Variants in TTC16 observed in about 807,000 individuals in gnomAD.
TTC16 encodes the protein tetratricopeptide repeat domain 16.
Under a neutral mutation model 80.4 loss-of-function variants are expected in TTC16, and 66 were observed. The observed-to-expected ratio is 0.82, with a 90% CI of 0.67 to 1.01. The LOEUF (loss-of-function observed/expected upper bound fraction) is 1.01. TTC16 is among the 50% of genes least tolerant of loss of function. TTC16 has a pLI of 0.00. For synonymous variants in TTC16, 438 were observed against 451.3 expected (o/e 0.97, Z 0.37); for missense variants, 1,070 against 1,103.2 (o/e 0.97, Z 0.43).
Position 127,731,309 on chromosome 9 carries a change from C to T in TTC16, c.2526C>T (p.Ser842=). ...CCCAGGGCAAGAGCCAGGGCATGAG[C>T]TCAACTTCCAGCAAGGCCGAGTCCA... is the stretch of plus-strand genomic sequence containing the variant. ...EGAQGKSQGM[S]STSSKAESTW... The change falls in exon 14 of 14, where the codon AGC becomes AGT. Residue 842 remains serine (S), a synonymous_variant. Transcript: ENST00000373289. The T allele has an allele frequency of 1.9e-6, 3 of 1,613,192 alleles. No homozygotes were observed. Among genetic ancestry groups the T allele is most frequent in the Admixed American group, 1.7e-5 (1 of 60,032 alleles).
rs1843630519 is a variant in TTC16, at chr9:127,723,107, G to A, written c.658-12G>A. On this transcript the variant is annotated splice_polypyrimidine_tract_variant and intron_variant, in intron 6 of 13. Transcript: ENST00000373289. Reference sequence around the variant, plus strand: ...GGTCTGTGCCCCTGATGCCACCCATGGCCTCCTGCAGCCCCACCTCTGCTA... The same window carrying A: ...GGTCTGTGCCCCTGATGCCACCCATAGCCTCCTGCAGCCCCACCTCTGCTA... 6.2e-7 allele frequency: 1 copy of A among 1,608,040 alleles called. No individual in the cohort carries two copies. The highest frequency in any genetic ancestry group is 8.5e-7 in the Non-Finnish European group (1 of 1,179,086).
chr9:127,716,647 G>T, intron 1 of TTC16, 197 bp from the exon 2 acceptor site: 1 of 651,322 alleles, frequency 1.5e-6, no homozygotes, highest in East Asian at 2.8e-5. Context: ...GAGGGAGAAG[G>T]GCAGGACTGC....
At position 127,722,371 on chromosome 9, in the gene TTC16, G is replaced by A. The variant is rs372501101; in HGVS notation, c.658-748G>A. On this transcript the variant is annotated intron_variant, in intron 6 of 13. Transcript: ENST00000373289. The surrounding 1 kb of genome is among the most constrained non-coding windows in gnomAD (Gnocchi z 4.2). ...CTAGTGGAAGGGACTTGCTGGGGGA[G>A]GTTTCCACTGTACCCAGGCCCGAAT... Among the ~76,000 whole-genome samples, 19 of 152,308 alleles carry A rather than the reference G, an allele frequency of 1.2e-4. No homozygotes were observed. The highest frequency in any genetic ancestry group is 4.1e-4 in the African/African-American group (17 of 41,564).
chr9:127,727,740 T>C (rs1844097936), intron 12 of TTC16: 1 of 463,486 alleles, frequency 2.2e-6, no homozygotes, highest in Non-Finnish European at 3.3e-6. Context: ...CTGTAGGCAC[T>C]AGCCACTTGC....
rs372634396 is a variant in TTC16 at position 127,717,627 on chromosome 9, A to G, written c.283-2A>G. 1 of 1,613,336 alleles carries G rather than the reference A, an allele frequency of 6.2e-7. No homozygotes were observed. The highest frequency in any genetic ancestry group is 1.3e-5 in the African/African-American group (1 of 74,914). On this transcript the variant is annotated splice_acceptor_variant, in intron 3 of 13. Transcript: ENST00000373289. LOFTEE classifies it high-confidence loss of function. ...TAGCAGCCTGGGTCCCCTCACCCTC[A>G]GGTGGACTTCTATGCCTTACGGGCT...
At chr9:127,721,237 G>A (rs532275253) in intron 6 of TTC16, among the ~76,000 whole-genome samples, 8 of 152,100 alleles carry the variant, frequency 5.3e-5, no homozygotes, top group African/African-American at 1.4e-4. Context: ...TCTGGTGTCC[G>A]CAGGGAGTGT....
At chr9:127,719,835 A>G (rs910076966) in intron 4 of TTC16, among the ~76,000 whole-genome samples, 1 of 151,980 alleles carries the variant, frequency 6.6e-6, no homozygotes, top group African/African-American at 2.4e-5. Flanking sequence ...TTTGTTCCTG[A>G]ATCTCTGTAT....
chr9:127,723,328 C>T lies in TTC16; in HGVS notation c.867C>T (p.Leu289=), dbSNP rs1843649760. 6.2e-7 allele frequency: 1 copy of T among 1,612,344 alleles called. No individual in the cohort carries two copies. The highest frequency in any genetic ancestry group is 2.2e-5 in the East Asian group (1 of 44,850). ...ENNPLDPSLF[L]FRGTMYRRLQ... is the part of the protein sequence containing the mutation. Reference sequence around the variant, plus strand: ...ACCCTCTGGACCCCAGTCTCTTCCTCTTCCGGTACTGCATGGGAAGGTGCT... The same window carrying T: ...ACCCTCTGGACCCCAGTCTCTTCCTTTTCCGGTACTGCATGGGAAGGTGCT... Residue 289 remains leucine, a synonymous_variant, in exon 7 of 14, where the codon CTC becomes CTT. Transcript: ENST00000373289.
chr9:127,727,450 GA>G lies in TTC16; in HGVS notation c.1751del (p.Lys584ArgfsTer33). The G allele has an allele frequency of 6.3e-7, 1 of 1,582,994 alleles. No individual in the cohort carries two copies. The highest frequency in any genetic ancestry group is 8.6e-7 in the Non-Finnish European group (1 of 1,165,084). ...EAPEEEEEKE[K>X]EKKEEKKSEL... ...CCCCTGAGGAGGAGGAAGAAAAGGA[GA>G]AGGAGAAAAAAGAGGTAAGTGGAGT... On this transcript the variant is annotated frameshift_variant, in exon 12 of 14. Coordinates refer to ENST00000373289, the MANE Select transcript of TTC16 (RefSeq NM_144965.3). LOFTEE classifies it high-confidence loss of function.
intron 12 of TTC16, chr9:127,729,373 T>G (rs1015371849): frequency 9.1e-6 from 5 of 549,958 alleles, no homozygotes; most frequent in Non-Finnish European, 1.6e-5. Context: ...ACAACCGTTC[T>G]CACGGCACCA....
rs754692439 is a variant in TTC16 at position 127,717,355 on chromosome 9, C to G, written c.213C>G (p.Cys71Trp). The G allele has an allele frequency of 6.2e-7, 1 of 1,612,066 alleles. No homozygotes were observed. Among genetic ancestry groups the G allele is most frequent in the Non-Finnish European group, 8.5e-7 (1 of 1,179,990 alleles). ...VREYYSRGQQ[C>W]LEQADWETAV... Reference sequence around the variant, plus strand: ...ACAGCTACTCCAGAGGCCAGCAGTGCTTGGAGCAGGCAGACTGGGAGACAG... The same window carrying G: ...ACAGCTACTCCAGAGGCCAGCAGTGGTTGGAGCAGGCAGACTGGGAGACAG... The change falls in exon 3 of 14, where the codon TGC becomes TGG. Residue 71 changes from cysteine to tryptophan, a missense_variant. By Grantham distance (215) the Cys-to-Trp change is radical. Transcript: ENST00000373289.
chr9:127,725,002 C>T (rs1588446182), intron 9 of TTC16, 105 bp downstream of exon 9: 18 of 1,342,130 alleles, frequency 1.3e-5, no homozygotes, highest in African/African-American at 3.0e-5. Flanking sequence ...CTTCTCTCCT[C>T]GGGGGCGATG....
chr9:127,717,753 C>G lies in TTC16; in HGVS notation c.407C>G (p.Thr136Ser). The G allele has an allele frequency of 3.7e-6, 6 of 1,613,574 alleles. No individual in the cohort carries two copies. Among genetic ancestry groups the G allele is most frequent in the Non-Finnish European group, 5.1e-6 (6 of 1,179,936 alleles). ...QDNCKHLERL[T>S]FVLYLQGQCL... The stretch of plus-strand genomic sequence containing the variant: ...AACTGCAAGCACCTGGAGCGCCTCA[C>G]CTTTGTGCTCTACCTACAGGTGCCT... Residue 136 changes from threonine to serine, a missense_variant, in exon 4 of 14, where the codon ACC (threonine) becomes AGC (serine). Transcript: ENST00000373289.
Position 127,717,624 on chromosome 9 carries a change from C to T in TTC16, c.283-5C>T. 6.2e-7 allele frequency: 1 copy of T among 1,613,254 alleles called. No individual in the cohort carries two copies. Among genetic ancestry groups the T allele is most frequent in the Non-Finnish European group, 8.5e-7 (1 of 1,179,556 alleles). ...ATCTAGCAGCCTGGGTCCCCTCACC[C>T]TCAGGTGGACTTCTATGCCTTACGG... On this transcript the variant is annotated splice_polypyrimidine_tract_variant and splice_region_variant and intron_variant, in intron 3 of 13. Transcript: ENST00000373289.
In TTC16 at chr9:127,731,525, C is replaced by G. The variant is rs968075951; in HGVS notation, c.*120C>G. ...AATTAAAAGTCTTAGCAACAGTCCT[C>G]TGGTCCCACAGCTGAGTTTATTATA... On this transcript the variant is annotated 3_prime_UTR_variant, in exon 14 of 14. Transcript: ENST00000373289. 6.8e-6 allele frequency: 10 copies of G among 1,477,514 alleles called. No individual in the cohort carries two copies. Among genetic ancestry groups the G allele is most frequent in the Non-Finnish European group, 8.9e-6 (10 of 1,117,842 alleles). 91.5% of individuals were successfully genotyped at this position (1,477,514 alleles called of 1,614,324 possible). A position where few individuals can be genotyped will look rare whatever the true frequency, so the allele number is the denominator to read the frequency against.
Position 127,718,739 on chromosome 9 carries a change from G to A in TTC16, c.426+967G>A, listed in dbSNP as rs117299342. On this transcript the variant is annotated intron_variant, in intron 4 of 13. Coordinates refer to ENST00000373289, the MANE Select transcript of TTC16 (RefSeq NM_144965.3). The surrounding 1 kb of genome is among the most constrained non-coding windows in gnomAD (Gnocchi z 4.6). Reference sequence around the variant, plus strand: ...CCCAAGTAGCTAGGATTACAGATGTGCATCAACATGCCTGGCTAATTTTTG... The same window carrying A: ...CCCAAGTAGCTAGGATTACAGATGTACATCAACATGCCTGGCTAATTTTTG... Among the ~76,000 whole-genome samples, 1,873 of 152,066 alleles carry A rather than the reference G, an allele frequency of 0.012. 17 individuals are homozygous for A. The highest frequency in any genetic ancestry group is 0.044 in the South Asian group (211 of 4,822).
At chr9:127,726,787 C>CAAAAA (rs55676226) in intron 10 of TTC16, among the ~76,000 whole-genome samples, 183 bp from the exon 11 acceptor site, 6 of 127,796 alleles carry the variant, frequency 4.7e-5, no homozygotes, top group Non-Finnish European at 5.3e-5. Context: ...GACTCTGTCT[C>CAAAAA]AAAAAAAAAA....
Position 127,723,160 on chromosome 9 carries a change from GA to G in TTC16, c.701del (p.Asn234IlefsTer76). ...GGGACCTGCACAGCGCCTTGCTGTT[GA>G]ATCCCAAGCACCCGCAGGCCAGGAT... is the stretch of plus-strand genomic sequence containing the variant. ...YRDLHSALLLNPKHPQARMLL... is the reference protein window; with the variant it reads ...YRDLHSALLLXPKHPQARMLL... On this transcript the variant is annotated frameshift_variant, in exon 7 of 14. Coordinates refer to ENST00000373289, the MANE Select transcript of TTC16 (RefSeq NM_144965.3). LOFTEE classifies it high-confidence loss of function. 6 of 1,612,580 alleles carry G rather than the reference GA, an allele frequency of 3.7e-6. No homozygotes were observed. Among genetic ancestry groups the G allele is most frequent in the Non-Finnish European group, 5.1e-6 (6 of 1,180,018 alleles).
Position 127,724,840 on chromosome 9 carries a change from C to T in TTC16, c.1202C>T (p.Ala401Val), listed in dbSNP as rs1843797267. 1 of 1,598,928 alleles carries T rather than the reference C, an allele frequency of 6.3e-7. No individual in the cohort carries two copies. Among genetic ancestry groups the T allele is most frequent in the Non-Finnish European group, 8.5e-7 (1 of 1,173,884 alleles). Residue 401 changes from alanine to valine, a missense_variant, in exon 9 of 14, where the codon GCC becomes GTC. Coordinates refer to ENST00000373289, the MANE Select transcript of TTC16 (RefSeq NM_144965.3). ...ALALSPQDEG[A>V]NTRMGLLQEK... is the part of the protein sequence containing the mutation. ...GCGCTGAGCCCTCAGGACGAGGGCG[C>T]CAACACGCGCATGGGCCTGCTGCAG...
Sources: gnomAD v4.1 joint callset for allele counts (sites outside exome capture counted in the v4.1 genomes callset) on GRCh38, gnomAD v4.1.1 for gene constraint, Gnocchi (gnomAD v3.1) non-coding constraint, MANE v1.5 for transcripts, NCBI Gene and HGNC (gene_info 2026-07-23, HGNC 2026-07-21) for gene names.